HCRTR1: variants seen among roughly 807,000 people sequenced by gnomAD.
HCRTR1 encodes hypocretin receptor 1.
HCRTR1 carries 28 observed loss-of-function variants against 40.6 expected under a neutral mutation model. The ratio of observed to expected loss-of-function variants is 0.69; its 90% confidence interval spans 0.51 to 0.95. The LOEUF is 0.95. HCRTR1 is among the 40% of genes least tolerant of loss of function. HCRTR1 has a pLI of 0.00. For missense variants in HCRTR1, 482 were observed against 564.7 expected (o/e 0.85, Z 1.48); for synonymous variants, 209 against 230.0 (o/e 0.91, Z 0.83).
rs574007581 is a variant in HCRTR1 at position 31,619,825 on chromosome 1, T to C, written c.378+115T>C. 3.1e-6 allele frequency: 3 copies of C among 958,308 alleles called. No individual in the cohort carries two copies. In the African/African-American group the frequency reaches 4.9e-5, roughly 16 times the overall value. 59.4% of individuals were successfully genotyped at this position (958,308 alleles called of 1,614,324 possible). On this transcript the variant is annotated intron_variant, in intron 4 of 8. Coordinates refer to ENST00000403528, the MANE Select transcript of HCRTR1 (RefSeq NM_001525.3). ...GCCTTTCAGACAGGTCAGTGGCTCA[T>C]GACCCCTGAAGTGTCATCCTCTGCT... is the stretch of plus-strand genomic sequence containing the variant.
Position 31,619,552 on chromosome 1 carries a change from AACC to A in HCRTR1, c.226_228del (p.His76del), listed in dbSNP as rs773158840. ...TGCAGTCTGCCTGGCCGTGTGGCGGAACCACCACATGAGGACAGTCACCAACTA... is the reference window on the plus strand; with the variant it reads ...TGCAGTCTGCCTGGCCGTGTGGCGGAACCACATGAGGACAGTCACCAACTA... On this transcript the variant is annotated inframe_deletion, in exon 4 of 9. Coordinates refer to ENST00000403528, the MANE Select transcript of HCRTR1 (RefSeq NM_001525.3). The A allele has an allele frequency of 3.1e-6, 5 of 1,613,912 alleles. No homozygotes were observed. In the African/African-American group the frequency reaches 4.0e-5, roughly 13 times the overall value.
intron 5 of HCRTR1, 139 bp from the exon 6 acceptor site, chr1:31,621,337 CT>C: frequency 1.2e-6 from 1 of 813,924 alleles, no homozygotes; most frequent in Non-Finnish European, 2.0e-6. Flanking sequence ...TCCAGGGTCT[CT>C]GTCTGTCATG....
downstream of HCRTR1, chr1:31,630,450 C>T: frequency 1.4e-6 from 1 of 729,102 alleles, no homozygotes; most frequent in South Asian, 1.8e-5. Context: ...TATTTGGTGG[C>T]TATGATGCAG....
chr1:31,632,306 C>A, downstream of HCRTR1: 1 of 997,888 alleles, frequency 1.0e-6, no homozygotes, highest in South Asian at 1.4e-5. Context: ...GTTTCCTTGC[C>A]CTGGCTCTTG....
chr1:31,632,472 C>A (rs748792832), downstream of HCRTR1: 6 of 1,614,234 alleles, frequency 3.7e-6, no homozygotes, highest in South Asian at 5.5e-5. Flanking sequence ...TCCTGCCCAT[C>A]GTGCCCCGGC....
downstream of HCRTR1, chr1:31,630,849 A>C (rs1363918445): frequency 5.0e-6 from 8 of 1,599,294 alleles, no homozygotes; most frequent in Non-Finnish European, 6.8e-6. Flanking sequence ...AGAGCTGGAG[A>C]AGAGGGGCAC....
downstream of HCRTR1, among the ~76,000 whole-genome samples, chr1:31,628,918 G>A (rs547078075): frequency 1.3e-5 from 2 of 152,328 alleles, no homozygotes; most frequent in South Asian, 2.1e-4. Flanking sequence ...AAAGGGTGAT[G>A]TATGTCCTGG....
chr1:31,629,406 T>C (rs980210031), downstream of HCRTR1, among the ~76,000 whole-genome samples: 1 of 152,236 alleles, frequency 6.6e-6, no homozygotes, highest in Non-Finnish European at 1.5e-5. Context: ...TGAAATGTGG[T>C]CAGCTCATTA....
chr1:31,623,132 C>T (rs904163300), intron 6 of HCRTR1, among the ~76,000 whole-genome samples: 1 of 152,044 alleles, frequency 6.6e-6, no homozygotes, highest in Non-Finnish European at 1.5e-5. Flanking sequence ...AGTTCAAGAC[C>T]AGCCTGGCCA....
At chr1:31,632,202 C>G, downstream of HCRTR1, 2 of 611,224 alleles carry the variant, frequency 3.3e-6, no homozygotes, top group South Asian at 3.8e-5. Context: ...GTCTCATAGT[C>G]CTTAAGGTGC....
At chr1:31,629,201 T>C (rs1486502649), downstream of HCRTR1, among the ~76,000 whole-genome samples, 1 of 152,192 alleles carries the variant, frequency 6.6e-6, no homozygotes, top group East Asian at 1.9e-4. Flanking sequence ...GCAACTGACC[T>C]GGCTAAGCCC....
chr1:31,630,714 C>T, downstream of HCRTR1: 1 of 1,614,166 alleles, frequency 6.2e-7, no homozygotes, highest in Non-Finnish European at 8.5e-7. Context: ...TCTGTCAGCA[C>T]CTGCAGCTGG....
Position 31,621,025 on chromosome 1 carries a change from T to C in HCRTR1, c.561T>C (p.Ser187=), listed in dbSNP as rs200717549. The C allele has an allele frequency of 1.9e-6, 3 of 1,613,338 alleles. No individual in the cohort carries two copies. Among genetic ancestry groups the C allele is most frequent in the East Asian group, 2.2e-5 (1 of 44,874 alleles). The change falls in exon 5 of 9, where the codon AGT becomes AGC. Residue 187 remains serine, a synonymous_variant. Transcript: ENST00000403528. ...VPQAAVMECS[S]VLPELANRTR... ...AGGCTGCAGTCATGGAATGCAGCAG[T>C]GTGCTGCCTGAGCTAGCCAACCGCA...
In HCRTR1 at chr1:31,619,569, A is replaced by C; in HGVS notation, c.237A>C (p.Thr79=). 1 of 1,614,126 alleles carries C rather than the reference A, an allele frequency of 6.2e-7. No individual in the cohort carries two copies. The highest frequency in any genetic ancestry group is 8.5e-7 in the Non-Finnish European group (1 of 1,180,006). The change falls in exon 4 of 9, where the codon ACA becomes ACC. Residue 79 remains threonine, a synonymous_variant. Transcript: ENST00000403528. ...LAVWRNHHMR[T]VTNYFIVNLS... is the part of the protein sequence containing the mutation. ...TGTGGCGGAACCACCACATGAGGAC[A>C]GTCACCAACTACTTCATTGTCAACC...
rs535965061 is a variant in HCRTR1, at chr1:31,626,172, G to A, written c.1088-618G>A. On this transcript the variant is annotated intron_variant, in intron 8 of 8. Coordinates refer to ENST00000403528, the MANE Select transcript of HCRTR1 (RefSeq NM_001525.3). The surrounding 1 kb of genome is among the most constrained non-coding windows in gnomAD (Gnocchi z 4.6). ...TCTGTTTCCCTGGTATACTTGGGCT[G>A]AATAATGTGGTGTGGTGGTCCCTCC... Among the ~76,000 whole-genome samples the A allele has an allele frequency of 1.0e-3, 155 of 152,334 alleles. 2 individuals carry two copies. Among genetic ancestry groups the A allele is most frequent in the Middle Eastern group, 3.4e-3 (1 of 294 alleles).
downstream of HCRTR1, chr1:31,633,376 T>A: frequency 6.6e-7 from 1 of 1,511,330 alleles, no homozygotes; most frequent in South Asian, 1.3e-5. Context: ...CTCAGTAACT[T>A]CCTGGCTACA....
intron 1 of HCRTR1, chr1:31,618,083 A>C (rs1639768197): frequency 6.6e-6 from 1 of 152,650 alleles, no homozygotes; most frequent in East Asian, 1.9e-4. Context: ...CCCGAGGTGC[A>C]GGAAGGTCCC....
chr1:31,628,555 C>T (rs1427164929), downstream of HCRTR1, among the ~76,000 whole-genome samples: 1 of 152,218 alleles, frequency 6.6e-6, no homozygotes, highest in East Asian at 1.9e-4. Context: ...CAAGATCAAT[C>T]CAGGTCTTGG....
At position 31,625,028 on chromosome 1, in the gene HCRTR1, C is replaced by T. The variant is rs145995425; in HGVS notation, c.997C>T (p.Arg333Cys). The part of the protein sequence containing the change: ...VFGMFRQASD[R>C]EAVYACFTFS... ...CGGGATGTTCCGCCAAGCCAGTGAC[C>T]GCGAAGCTGTCTACGCCTGCTTCAC... is the stretch of plus-strand genomic sequence containing the variant. Residue 333 changes from arginine (R) to cysteine (C), a missense_variant, in exon 8 of 9, where the codon CGC becomes TGC. Coordinates refer to ENST00000403528, the MANE Select transcript of HCRTR1 (RefSeq NM_001525.3). The surrounding 1 kb of genome is among the most constrained non-coding windows in gnomAD (Gnocchi z 4.2). The T allele has an allele frequency of 9.9e-6, 16 of 1,611,060 alleles. No individual in the cohort carries two copies. Among genetic ancestry groups the T allele is most frequent in the East Asian group, 4.5e-5 (2 of 44,712 alleles).
Sources: gnomAD v4.1 joint callset for allele counts (sites outside exome capture counted in the v4.1 genomes callset) on GRCh38, gnomAD v4.1.1 for gene constraint, Gnocchi (gnomAD v3.1) non-coding constraint, MANE v1.5 for transcripts, NCBI Gene and HGNC (gene_info 2026-07-23, HGNC 2026-07-21) for gene names.